Variants in WRN observed in about 807,000 individuals in gnomAD.
WRN encodes the protein WRN RecQ like helicase.
A neutral mutation model predicts 180.7 loss-of-function variants in WRN; 149 were observed. The ratio of observed to expected loss-of-function variants is 0.82; its 90% CI spans 0.72 to 0.94. WRN has a LOEUF of 0.94. Ranked by LOEUF, WRN falls within the 40% of genes least tolerant of loss-of-function variation. The pLI is 0.00. For missense variants in WRN, 1,661 were observed against 1,700.1 expected (o/e 0.98, Z 0.40); for synonymous variants, 548 against 568.9 (o/e 0.96, Z 0.52).
rs943266944 is a variant in WRN, at chr8:31,147,294, G to A, written c.3460-70G>A. 6.5e-5 allele frequency: 98 copies of A among 1,511,922 alleles called. 2 individuals carry two copies. The Middle Eastern group carries it at 1.0e-3, about 16-fold the overall frequency. The allele number at this position is 1,511,922 out of a possible 1,614,324, so 93.7% of individuals were successfully genotyped here. On this transcript the variant is annotated intron_variant, in intron 29 of 34. Coordinates refer to ENST00000298139, the MANE Select transcript of WRN (RefSeq NM_000553.6). ...TCTAAGGAAAAATGTGGTATCTGAA[G>A]CTCTAAAAATAAAGGACTAGATCTT...
chr8:31,136,841 G>GAATA (rs1268845147), intron 24 of WRN, among the ~76,000 whole-genome samples: 2 of 102,364 alleles, frequency 2.0e-5, no homozygotes, highest in East Asian at 4.4e-4. Context: ...TGTCTCGAAT[G>GAATA]AATGAATGAA....
intron 23 of WRN, among the ~76,000 whole-genome samples, chr8:31,127,459 G>C (rs1467740832): frequency 6.6e-6 from 1 of 152,130 alleles, no homozygotes; most frequent in African/African-American, 2.4e-5. Context: ...TGGTGGGTTA[G>C]CTACGTACCT....
In WRN at chr8:31,173,431, A is replaced by C; in HGVS notation, c.*329A>C. The C allele has an allele frequency of 3.5e-6, 1 of 286,734 alleles. No individual in the cohort carries two copies. Among genetic ancestry groups the C allele is most frequent in the East Asian group, 5.6e-5 (1 of 17,880 alleles). The allele number at this position is 286,734 out of a possible 1,614,324, so 17.8% of individuals were successfully genotyped here. A position where few individuals can be genotyped will look rare whatever the true frequency, so the allele number is the denominator to read the frequency against. On this transcript the variant is annotated 3_prime_UTR_variant, in exon 35 of 35. Coordinates refer to ENST00000298139, the MANE Select transcript of WRN (RefSeq NM_000553.6). ...AATGTTATGTGCTCTGATTTGATATAGATAACAGATTAGTAGTTACATGGT... is the reference window on the plus strand; with the variant it reads ...AATGTTATGTGCTCTGATTTGATATCGATAACAGATTAGTAGTTACATGGT...
chr8:31,133,176 AT>A (rs965889425), intron 24 of WRN, among the ~76,000 whole-genome samples: 1 of 152,040 alleles, frequency 6.6e-6, no homozygotes, highest in African/African-American at 2.4e-5. Flanking sequence ...CCTTTATATG[AT>A]TTTTTCCCCT....
intron 18 of WRN, among the ~76,000 whole-genome samples, chr8:31,109,487 G>T (rs61649626): frequency 2.8e-4 from 43 of 152,164 alleles, no homozygotes; most frequent in African/African-American, 8.9e-4. Context: ...TCATATAGCC[G>T]TCTCCATCTC....
chr8:31,050,986 C>T (rs1171009599), intron 1 of WRN, among the ~76,000 whole-genome samples: 2 of 151,956 alleles, frequency 1.3e-5, no homozygotes, highest in African/African-American at 4.8e-5. Context: ...AACAGTATAA[C>T]GGGCTAACAG....
chr8:31,038,065 C>A (rs1324384111), intron 1 of WRN, among the ~76,000 whole-genome samples: 1 of 151,930 alleles, frequency 6.6e-6, no homozygotes, highest in Admixed American at 6.6e-5. Context: ...CATTGGTGTA[C>A]AAGAATCTGT....
chr8:31,090,726 T>A, intron 14 of WRN, 108 bp from the exon 15 acceptor site: 1 of 1,077,062 alleles, frequency 9.3e-7, no homozygotes, highest in Non-Finnish European at 1.4e-6. Flanking sequence ...ATACTAGTAT[T>A]GACCATTCAT....
chr8:31,155,481 G>A lies in WRN; in HGVS notation c.3819+726G>A, dbSNP rs140985786. 1.2e-3 allele frequency among the ~76,000 whole-genome samples: 187 copies of A among 152,106 alleles called. 1 individual carries two copies. Among genetic ancestry groups the A allele is most frequent in the African/African-American group, 4.2e-3 (174 of 41,510 alleles). ...TACTAAAAATACAAAAATTAGCTGG[G>A]CGTAGTGACGCATGCCTGTAATCCC... On this transcript the variant is annotated intron_variant, in intron 32 of 34. Transcript: ENST00000298139.
At chr8:31,104,333 A>G (rs890669752) in intron 18 of WRN, among the ~76,000 whole-genome samples, 4 of 152,174 alleles carry the variant, frequency 2.6e-5, no homozygotes, top group African/African-American at 7.2e-5. Context: ...GTCTTTTCAT[A>G]TACTAATTTG....
rs1368177548 is a variant in WRN at position 31,059,230 on chromosome 8, T to A, written c.174T>A (p.Asp58Glu). The stretch of plus-strand genomic sequence containing the variant: ...CTGGATCCATTGTGTATAGTTACGA[T>A]GCTAGTGATTGCTCTTTCCTGTCAG... ...EFTGSIVYSY[D>E]ASDCSFLSED... The change falls in exon 3 of 35, where the codon GAT (aspartate) becomes GAA (glutamate). Residue 58 changes from aspartate (D) to glutamate (E), a missense_variant. Transcript: ENST00000298139. 6.2e-7 allele frequency: 1 copy of A among 1,613,878 alleles called. No homozygotes were observed. The highest frequency in any genetic ancestry group is 1.1e-5 in the South Asian group (1 of 91,078).
intron 1 of WRN, among the ~76,000 whole-genome samples, chr8:31,039,530 G>T (rs1811570697): frequency 6.6e-6 from 1 of 152,004 alleles, no homozygotes; most frequent in African/African-American, 2.4e-5. Flanking sequence ...TTCCATTATG[G>T]ATGCCTTTTA....
At chr8:31,091,800 G>T (rs760949240) in intron 15 of WRN, 30 bp from the exon 16 acceptor site, 1 of 1,589,354 alleles carries the variant, frequency 6.3e-7, no homozygotes, top group South Asian at 1.1e-5. Flanking sequence ...TGTGTACATG[G>T]TGCCAGAATA....
chr8:31,105,523 G>A (rs533392466), intron 18 of WRN, among the ~76,000 whole-genome samples: 2 of 152,168 alleles, frequency 1.3e-5, no homozygotes, highest in South Asian at 2.1e-4. Context: ...GTGCAATGGC[G>A]TGAACTCACC....
At position 31,175,558 on chromosome 8, in the gene WRN, A is replaced by C. The variant is rs78154423; in HGVS notation, c.*2456A>C. On this transcript the variant is annotated 3_prime_UTR_variant, in exon 35 of 35. Transcript: ENST00000298139. ...GTTTATTGATATAGTTTCAGATTAC[A>C]CACTGCAACTAATCTTTAAGAAACT... Among the ~76,000 whole-genome samples, 2,597 of 152,366 alleles carry C rather than the reference A, an allele frequency of 0.017. 41 individuals carry two copies. Among genetic ancestry groups the C allele is most frequent in the Admixed American group, 0.025 (380 of 15,306 alleles).
At chr8:31,081,409 GTTGCAGTAA>G in intron 9 of WRN, 113 bp downstream of exon 9, 1 of 1,118,662 alleles carries the variant, frequency 8.9e-7, no homozygotes, top group Non-Finnish European at 1.3e-6. Flanking sequence ...TACAGTCTCT[GTTGCAGTAA>G]CTCAGTTCTG....
chr8:31,034,347 G>A (rs1811362293), intron 1 of WRN, among the ~76,000 whole-genome samples: 1 of 152,146 alleles, frequency 6.6e-6, no homozygotes, highest in African/African-American at 2.4e-5. Flanking sequence ...AGCAAGTGAT[G>A]ATGGATATTT....
At chr8:31,165,820 T>G (rs913611906) in intron 33 of WRN, among the ~76,000 whole-genome samples, 13 of 152,066 alleles carry the variant, frequency 8.5e-5, no homozygotes, top group Non-Finnish European at 1.5e-4. Context: ...CATTAAAAAA[T>G]GATGAAATAG....
At chr8:31,154,853 T>C (rs1255002060) in intron 32 of WRN, 98 bp downstream of exon 32, 5 of 1,423,984 alleles carry the variant, frequency 3.5e-6, no homozygotes, top group Non-Finnish European at 4.9e-6. Context: ...GGGATCAATT[T>C]CCTCCAACCC....
Sources: gnomAD v4.1 joint callset for allele counts (sites outside exome capture counted in the v4.1 genomes callset) on GRCh38, gnomAD v4.1.1 for gene constraint, MANE v1.5 for transcripts, NCBI Gene and HGNC (gene_info 2026-07-23, HGNC 2026-07-21) for gene names.